The following AVL9 variants were observed in gnomAD, a reference collection of about 807,000 sequenced individuals.
The protein encoded by AVL9 is late secretory pathway protein AVL9 homolog.
A neutral mutation model predicts 79.2 loss-of-function variants in AVL9; 49 were observed. That is an observed-to-expected ratio of 0.62 (90% CI 0.49 to 0.79). AVL9 has a LOEUF of 0.79. Among genes scored for constraint, AVL9 ranks in the 30% least tolerant of loss-of-function variants. The pLI, the probability that AVL9 is intolerant of heterozygous loss-of-function variation, is 0.00. For missense variants in AVL9, 682 were observed against 776.8 expected (o/e 0.88, Z 1.45); for synonymous variants, 299 against 280.6 (o/e 1.07, Z -0.65).
chr7:32,498,179 T>A (rs939489218), intron 1 of AVL9, among the ~76,000 whole-genome samples: 1 of 152,120 alleles, frequency 6.6e-6, no homozygotes, highest in Non-Finnish European at 1.5e-5. Flanking sequence ...AAACTAGGCT[T>A]GTGGAAAATG....
At chr7:32,549,196 C>CA (rs3079782) in intron 4 of AVL9, among the ~76,000 whole-genome samples, 3,166 of 142,246 alleles carry the variant, frequency 0.022, 130 homozygotes, top group African/African-American at 0.077. Flanking sequence ...TGGTTTTGTC[C>CA]AAAAAAAAAA....
chr7:32,577,960 T>C (rs1318363114), intron 13 of AVL9, among the ~76,000 whole-genome samples: 2 of 152,144 alleles, frequency 1.3e-5, no homozygotes, highest in African/African-American at 2.4e-5. Context: ...CATGCAAATT[T>C]GTTAATGTGC....
At chr7:32,504,180 A>G (rs1787308803) in intron 1 of AVL9, among the ~76,000 whole-genome samples, 1 of 152,240 alleles carries the variant, frequency 6.6e-6, no homozygotes, top group Non-Finnish European at 1.5e-5. Context: ...TTGCCAGGAT[A>G]AAGTTCATTA....
At chr7:32,524,360 C>T (rs1023591751) in intron 1 of AVL9, among the ~76,000 whole-genome samples, 1 of 151,952 alleles carries the variant, frequency 6.6e-6, no homozygotes, top group Non-Finnish European at 1.5e-5. Flanking sequence ...TACTAAAATA[C>T]AAAAATTAGC....
intron 10 of AVL9, chr7:32,562,685 C>T (rs777028036): frequency 5.7e-6 from 5 of 881,278 alleles, no homozygotes; most frequent in Non-Finnish European, 6.8e-6. Context: ...TTTGGGAGGC[C>T]GAGGTGGGGA....
At chr7:32,552,167 A>T in intron 5 of AVL9, 62 bp from the exon 6 acceptor site, 2 of 1,053,978 alleles carry the variant, frequency 1.9e-6, no homozygotes, top group African/African-American at 1.6e-5. Context: ...TCTGATCAAT[A>T]TATTTCTAAT....
chr7:32,558,176 A>G (rs563005218), intron 8 of AVL9, among the ~76,000 whole-genome samples: 4 of 143,024 alleles, frequency 2.8e-5, no homozygotes, highest in Non-Finnish European at 6.1e-5. Flanking sequence ...TCTTCTTTTT[A>G]TGAGACAGAG....
chr7:32,519,938 G>T (rs1295901586), intron 1 of AVL9, among the ~76,000 whole-genome samples: 1 of 152,146 alleles, frequency 6.6e-6, no homozygotes, highest in African/African-American at 2.4e-5. Context: ...GAGAGAGAGT[G>T]CAAAGGGGAA....
rs28485346 is a variant in AVL9, at chr7:32,579,607, T to A, written c.1689-612T>A. Among the ~76,000 whole-genome samples the A allele has an allele frequency of 6.8e-4, 16 of 23,406 alleles. 3 individuals carry two copies. Among genetic ancestry groups the A allele is most frequent in the South Asian group, 5.6e-3 (5 of 890 alleles). 15.4% of individuals were successfully genotyped at this position (23,406 alleles called of 152,430 possible). On this transcript the variant is annotated intron_variant, in intron 13 of 15. Transcript: ENST00000318709. ...TATATATTATATATTATATATTATATTATATATTATATATATATAATACAC... is the reference window on the plus strand; with the variant it reads ...TATATATTATATATTATATATTATAATATATATTATATATATATAATACAC...
At chr7:32,526,362 A>C (rs1788399586) in intron 1 of AVL9, among the ~76,000 whole-genome samples, 1 of 152,194 alleles carries the variant, frequency 6.6e-6, no homozygotes, top group Admixed American at 6.5e-5. Context: ...CCAAGGCTCC[A>C]GTTCATAACC....
At chr7:32,540,089 T>C (rs2128132719) in intron 1 of AVL9, among the ~76,000 whole-genome samples, 1 of 152,326 alleles carries the variant, frequency 6.6e-6, no homozygotes, top group African/African-American at 2.4e-5. Context: ...GCCTACCACA[T>C]AGGATATTGT....
At position 32,543,282 on chromosome 7, in the gene AVL9, G is replaced by A. The variant is rs915380359; in HGVS notation, c.214+21G>A. The A allele has an allele frequency of 6.2e-6, 10 of 1,601,652 alleles. No homozygotes were observed. The African/African-American group carries it at 1.2e-4, about 19-fold the overall frequency. On this transcript the variant is annotated intron_variant, in intron 2 of 15. Coordinates refer to ENST00000318709, the MANE Select transcript of AVL9 (RefSeq NM_015060.3). The stretch of plus-strand genomic sequence containing the variant: ...GGAAGGTATGTAACAAGACAGTGAA[G>A]CAGTTAGGTGCCATTTTTGAAAAAA...
At chr7:32,504,009 G>T (rs145621350) in intron 1 of AVL9, among the ~76,000 whole-genome samples, 98 of 152,318 alleles carry the variant, frequency 6.4e-4, no homozygotes, top group African/African-American at 2.2e-3. Context: ...TGAAACCCAC[G>T]TCTGCCCCGT....
chr7:32,539,613 A>G (rs1461109229), intron 1 of AVL9, among the ~76,000 whole-genome samples: 2 of 152,194 alleles, frequency 1.3e-5, no homozygotes, highest in African/African-American at 2.4e-5. Context: ...CTGATATTCT[A>G]CTTGCTTTTA....
At position 32,542,183 on chromosome 7, in the gene AVL9, CCTTT is replaced by C. The variant is rs912492837; in HGVS notation, c.94-957_94-954del. 1.5e-4 allele frequency among the ~76,000 whole-genome samples: 18 copies of C among 123,794 alleles called. No individual in the cohort carries two copies. In the East Asian group the frequency reaches 3.0e-3, roughly 21 times the overall value. 81.2% of individuals were successfully genotyped at this position (123,794 alleles called of 152,430 possible). ...GGTGGGAGGCAGTCTTTTTTACAGT[CCTTT>C]TTTTTTTTTTTTGGTGTCTTTAAAC... On this transcript the variant is annotated intron_variant, in intron 1 of 15. Coordinates refer to ENST00000318709, the MANE Select transcript of AVL9 (RefSeq NM_015060.3).
intron 12 of AVL9, among the ~76,000 whole-genome samples, chr7:32,574,323 T>C (rs78707696): frequency 0.011 from 1,623 of 152,260 alleles, 23 homozygotes; most frequent in African/African-American, 0.036. Flanking sequence ...GAGTTTTTCA[T>C]TTGTAAAAGA....
At chr7:32,578,756 GAGATT>G (rs1456781791) in intron 13 of AVL9, among the ~76,000 whole-genome samples, 5 of 152,160 alleles carry the variant, frequency 3.3e-5, no homozygotes, top group Non-Finnish European at 5.9e-5. Context: ...GCAGTGAGCT[GAGATT>G]GCGCCACTGC....
In AVL9 at chr7:32,584,101, AG is replaced by A. The variant is rs1583619283; in HGVS notation, c.*196del. 4.8e-6 allele frequency: 3 copies of A among 631,352 alleles called. No homozygotes were observed. In the East Asian group the frequency reaches 8.5e-5, roughly 18 times the overall value. The allele number at this position is 631,352 out of a possible 1,614,324, so 39.1% of individuals were successfully genotyped here. ...ACAGCCATAGCAGGGATGGCTTTCCAGGTTGGGGTTTCAATTGACTACTTTT... is the reference window on the plus strand; with the variant it reads ...ACAGCCATAGCAGGGATGGCTTTCCAGTTGGGGTTTCAATTGACTACTTTT... On this transcript the variant is annotated 3_prime_UTR_variant, in exon 16 of 16. Coordinates refer to ENST00000318709, the MANE Select transcript of AVL9 (RefSeq NM_015060.3).
At position 32,586,467 on chromosome 7, in the gene AVL9, C is replaced by G. The variant is rs868475107; in HGVS notation, c.*2560C>G. 4.3e-5 allele frequency: 2 copies of G among 45,996 alleles called. No homozygotes were observed. The highest frequency in any genetic ancestry group is 9.2e-5 in the Non-Finnish European group (2 of 21,624). The allele number at this position is 45,996 out of a possible 1,614,324, so 2.8% of individuals were successfully genotyped here. ...CCTCACCCCTGGTCCTGTGACCCCC[C>G]CCCCCCACACACACACATACTTCAG... On this transcript the variant is annotated 3_prime_UTR_variant, in exon 16 of 16. Transcript: ENST00000318709.
Sources: allele counts gnomAD v4.1 joint callset (sites outside exome capture counted in the v4.1 genomes callset), GRCh38; gene constraint gnomAD v4.1.1; transcripts MANE v1.5; gene names NCBI Gene and HGNC (gene_info 2026-07-23, HGNC 2026-07-21).